Variants in POLA1 observed in about 807,000 individuals in gnomAD.
POLA1 encodes the protein DNA polymerase alpha 1, catalytic subunit.
A neutral mutation model predicts 124.0 loss-of-function variants in POLA1; 15 were observed. The observed-to-expected ratio is 0.12, with a 90% CI of 0.08 to 0.19. The LOEUF is 0.19. Among genes scored for constraint, POLA1 ranks in the 10% least tolerant of loss-of-function variants. POLA1 has a pLI of 1.00. For synonymous variants in POLA1, 408 were observed against 389.4 expected, an observed-to-expected ratio of 1.05 and a Z score of -0.56; for missense variants, 886 against 1,103.4, an observed-to-expected ratio of 0.80 and a Z score of 2.79.
chrX:24,793,859 A>G (rs1255132815), intron 26 of POLA1, among the ~76,000 whole-genome samples: 1 of 111,301 alleles, frequency 9.0e-6, no homozygotes, highest in East Asian at 2.8e-4. Flanking sequence ...TGCTGGGATT[A>G]CAGGTGTGAG....
At chrX:24,944,535 A>G (rs2047940391) in intron 36 of POLA1, among the ~76,000 whole-genome samples, 1 of 112,054 alleles carries the variant, frequency 8.9e-6, no homozygotes, top group South Asian at 3.7e-4. Context: ...AACCTGAAAT[A>G]TCATCTCTTT....
chrX:24,782,266 G>A (rs2045280931), intron 26 of POLA1, among the ~76,000 whole-genome samples: 1 of 111,898 alleles, frequency 8.9e-6, no homozygotes, highest in African/African-American at 3.2e-5. Flanking sequence ...AAAACAAAGG[G>A]ACTTGGATAG....
intron 34 of POLA1, among the ~76,000 whole-genome samples, chrX:24,855,685 G>A (rs141309218): frequency 3.6e-4 from 40 of 111,672 alleles, no homozygotes; most frequent in African/African-American, 1.2e-3. Context: ...CTTCCAGTGG[G>A]TCATGAAGAC....
chrX:24,897,568 T>C (rs1208578711), intron 35 of POLA1, among the ~76,000 whole-genome samples: 1 of 111,934 alleles, frequency 8.9e-6, no homozygotes, highest in Non-Finnish European at 1.9e-5. Flanking sequence ...AGCAAAAAGC[T>C]TGTTTCCATT....
chrX:24,727,123 T>G, intron 14 of POLA1, 52 bp downstream of exon 14: 1 of 1,023,030 alleles, frequency 9.8e-7, no homozygotes, highest in Non-Finnish European at 1.3e-6. Context: ...ATAGATGTGG[T>G]TTTTAAAAGG....
intron 36 of POLA1, among the ~76,000 whole-genome samples, chrX:24,939,547 G>C (rs2047888975): frequency 9.0e-6 from 1 of 111,263 alleles, no homozygotes; most frequent in East Asian, 2.8e-4. Context: ...TAATTATCTA[G>C]TAAAAACTTT....
intron 28 of POLA1, among the ~76,000 whole-genome samples, chrX:24,811,032 G>A (rs1360578811): frequency 3.6e-5 from 4 of 110,914 alleles, no homozygotes; most frequent in African/African-American, 1.3e-4. Flanking sequence ...TTGCTGAAGC[G>A]TTGACCTCCT....
intron 35 of POLA1, among the ~76,000 whole-genome samples, chrX:24,919,439 T>C (rs1232199789): frequency 9.0e-6 from 1 of 110,865 alleles, no homozygotes; most frequent in African/African-American, 3.3e-5. Context: ...GAGGTCATGT[T>C]CCCCCCCACC....
At chrX:24,850,788 G>A (rs1489101482) in intron 34 of POLA1, among the ~76,000 whole-genome samples, 3 of 112,053 alleles carry the variant, frequency 2.7e-5, no homozygotes, top group Non-Finnish European at 5.6e-5. Flanking sequence ...AACTATATGG[G>A]ATAATGCACT....
intron 34 of POLA1, among the ~76,000 whole-genome samples, chrX:24,887,105 C>T (rs1256502138): frequency 8.9e-6 from 1 of 112,307 alleles, no homozygotes; most frequent in Non-Finnish European, 1.9e-5. Flanking sequence ...CACGAAAGCC[C>T]ACAGACCTTG....
At chrX:24,725,459 A>G (rs985767295) in intron 12 of POLA1, among the ~76,000 whole-genome samples, 1 of 110,720 alleles carries the variant, frequency 9.0e-6, no homozygotes, top group South Asian at 3.8e-4. Flanking sequence ...CGGCCTCCCA[A>G]AGTGCTGGGA....
intron 35 of POLA1, among the ~76,000 whole-genome samples, chrX:24,891,934 C>A (rs148289176): frequency 9.0e-6 from 1 of 111,032 alleles, no homozygotes; most frequent in South Asian, 3.8e-4. Flanking sequence ...AAGCACTGGC[C>A]TCTTACTGTG....
At chrX:24,732,493 AT>A in intron 16 of POLA1, 39 bp downstream of exon 16, 3 of 839,095 alleles carry the variant, frequency 3.6e-6, no homozygotes, top group Non-Finnish European at 5.3e-6. Context: ...TAACAGCTTG[AT>A]TTGAATTTCC....
At chrX:24,701,720 G>A (rs1374398870) in intron 2 of POLA1, among the ~76,000 whole-genome samples, 6 of 110,176 alleles carry the variant, frequency 5.4e-5, no homozygotes. Context: ...ACAGGCGTGA[G>A]CCACCACACC....
At chrX:24,862,020 A>G (rs778541223) in intron 34 of POLA1, among the ~76,000 whole-genome samples, 2 of 111,989 alleles carry the variant, frequency 1.8e-5, no homozygotes, top group African/African-American at 3.2e-5. Flanking sequence ...AAAGTAGACA[A>G]TCAAAATAAG....
Position 24,843,694 on chromosome X carries a change from A to T in POLA1, c.4047+17A>T. The T allele has an allele frequency of 9.4e-7, 1 of 1,061,739 alleles. No individual in the cohort carries two copies. Among genetic ancestry groups the T allele is most frequent in the Non-Finnish European group, 1.3e-6 (1 of 783,286 alleles). 87.5% of individuals were successfully genotyped at this position (1,061,739 alleles called of 1,213,427 possible). A position where few individuals can be genotyped will look rare whatever the true frequency, so the allele number is the denominator to read the frequency against. The stretch of plus-strand genomic sequence containing the variant: ...TACTATGATGTAAGTATCCATAATG[A>T]TATTCTTACATACACAACTTATTGA... On this transcript the variant is annotated intron_variant, in intron 34 of 36. Transcript: ENST00000379068.
intron 4 of POLA1, among the ~76,000 whole-genome samples, chrX:24,712,260 A>G (rs1929508074): frequency 9.1e-6 from 1 of 109,528 alleles, no homozygotes; most frequent in African/African-American, 3.3e-5. Flanking sequence ...TAATTATTGT[A>G]TTTTTAGTAG....
At chrX:24,700,575 C>G (rs1263275379) in intron 2 of POLA1, among the ~76,000 whole-genome samples, 1 of 112,072 alleles carries the variant, frequency 8.9e-6, no homozygotes, top group Non-Finnish European at 1.9e-5. Flanking sequence ...ATGGCACGAT[C>G]TTGGTTCACT....
intron 36 of POLA1, among the ~76,000 whole-genome samples, chrX:24,964,537 T>C (rs1437417673): frequency 8.9e-6 from 1 of 112,721 alleles, no homozygotes; most frequent in African/African-American, 3.2e-5. Context: ...TGACACCAAA[T>C]AAATACTTAA....
Sources: gnomAD v4.1 joint callset for allele counts (sites outside exome capture counted in the v4.1 genomes callset) on GRCh38, gnomAD v4.1.1 for gene constraint, MANE v1.5 for transcripts, NCBI Gene and HGNC (gene_info 2026-07-23, HGNC 2026-07-21) for gene names.